The following KIAA0319 variants were observed in gnomAD, a reference collection of about 807,000 sequenced individuals.
The protein encoded by KIAA0319 is dyslexia-associated protein KIAA0319.
A neutral mutation model predicts 108.4 loss-of-function variants in KIAA0319; 83 were observed. The ratio of observed to expected loss-of-function variants is 0.77; its 90% CI spans 0.64 to 0.92. KIAA0319 has a LOEUF of 0.92. KIAA0319 is among the 40% of genes least tolerant of loss of function. The probability of loss-of-function intolerance (pLI) is 0.00; values close to 1 mark genes in which losing one functional copy is unlikely to be tolerated. For synonymous variants in KIAA0319, 484 were observed against 510.4 expected (o/e 0.95, Z 0.70); for missense variants, 1,195 against 1,322.4 (o/e 0.90, Z 1.49).
chr6:24,588,710 G>GC lies in KIAA0319; in HGVS notation c.876dup (p.Leu293AlafsTer18), dbSNP rs767567503. On this transcript the variant is annotated frameshift_variant, in exon 4 of 21. Coordinates refer to ENST00000378214, the MANE Select transcript of KIAA0319 (RefSeq NM_014809.4). LOFTEE classifies it high-confidence loss of function. ...TCTGTACTCCCCGGGGTGACTGTGAGCACTGGGCTTTTCTCCACGGTGACT... is the reference window on the plus strand; with the variant it reads ...TCTGTACTCCCCGGGGTGACTGTGAGCCACTGGGCTTTTCTCCACGGTGACT... The GC allele has an allele frequency of 6.2e-7, 1 of 1,613,994 alleles. No homozygotes were observed. Among genetic ancestry groups the GC allele is most frequent in the Non-Finnish European group, 8.5e-7 (1 of 1,179,982 alleles).
At chr6:24,593,199 A>C (rs1466436633) in intron 3 of KIAA0319, among the ~76,000 whole-genome samples, 1 of 151,976 alleles carries the variant, frequency 6.6e-6, no homozygotes, top group African/African-American at 2.4e-5. Flanking sequence ...CTGGAAACCC[A>C]GTTTTGCCTC....
intron 1 of KIAA0319, among the ~76,000 whole-genome samples, chr6:24,633,354 G>A (rs1395875654): frequency 6.6e-6 from 1 of 152,180 alleles, no homozygotes; most frequent in Non-Finnish European, 1.5e-5. Flanking sequence ...TCATAAAACT[G>A]TACTGGGAAA....
chr6:24,583,664 T>C lies in KIAA0319; in HGVS notation c.1033A>G (p.Ile345Val). 6.2e-7 allele frequency: 1 copy of C among 1,613,794 alleles called. No individual in the cohort carries two copies. Among genetic ancestry groups the C allele is most frequent in the East Asian group, 2.2e-5 (1 of 44,868 alleles). ...LTVSAGDNLIITLPDNEVELK... is the reference protein window; with the variant it reads ...LTVSAGDNLIVTLPDNEVELK... ...TCAACTTCATTGTCGGGTAAAGTTATAATTAGGTTATCTCCAGCCGATACC... is the reference window on the plus strand; with the variant it reads ...TCAACTTCATTGTCGGGTAAAGTTACAATTAGGTTATCTCCAGCCGATACC... Residue 345 changes from isoleucine (I) to valine (V), a missense_variant, in exon 5 of 21, where the codon ATA becomes GTA. Ile to Val is a conservative substitution (Grantham distance 29, BLOSUM62 3). Transcript: ENST00000378214.
intron 8 of KIAA0319, among the ~76,000 whole-genome samples, chr6:24,579,410 A>AT (rs1561981471): frequency 3.4e-5 from 3 of 88,052 alleles, no homozygotes; most frequent in African/African-American, 6.3e-5. Context: ...CCTCTATATA[A>AT]AGATATATAT....
chr6:24,563,806 G>A (rs1039587005), intron 15 of KIAA0319, among the ~76,000 whole-genome samples: 4 of 152,108 alleles, frequency 2.6e-5, no homozygotes, highest in Non-Finnish European at 4.4e-5. Context: ...CATTTTCCCA[G>A]GACCAGAAAG....
At chr6:24,626,859 T>G (rs572525760) in intron 1 of KIAA0319, among the ~76,000 whole-genome samples, 1 of 152,146 alleles carries the variant, frequency 6.6e-6, no homozygotes, top group Admixed American at 6.5e-5. Flanking sequence ...AGAATAATGA[T>G]GAAAAAGAGA....
At chr6:24,628,817 T>C (rs1239039408) in intron 1 of KIAA0319, among the ~76,000 whole-genome samples, 1 of 152,144 alleles carries the variant, frequency 6.6e-6, no homozygotes, top group Non-Finnish European at 1.5e-5. Context: ...TATTGTCACA[T>C]GGAGCTCTCC....
chr6:24,631,052 G>A (rs1775519748), intron 1 of KIAA0319, among the ~76,000 whole-genome samples: 1 of 152,210 alleles, frequency 6.6e-6, no homozygotes, highest in African/African-American at 2.4e-5. Flanking sequence ...TTTATAGGTT[G>A]TCCCATTTAT....
At chr6:24,602,192 T>G (rs1228115769) in intron 1 of KIAA0319, among the ~76,000 whole-genome samples, 1 of 152,170 alleles carries the variant, frequency 6.6e-6, no homozygotes, top group Non-Finnish European at 1.5e-5. Context: ...AATTTTTGTA[T>G]TTTTAGTAGA....
intron 1 of KIAA0319, among the ~76,000 whole-genome samples, chr6:24,642,129 A>G (rs1347257071): frequency 1.0e-5 from 1 of 96,714 alleles, no homozygotes; most frequent in East Asian, 3.5e-4. Flanking sequence ...AGGAAGGAGT[A>G]GGGAGGGGAA....
chr6:24,582,394 C>T (rs772442548), intron 5 of KIAA0319, 48 bp from the exon 6 acceptor site: 1 of 1,122,330 alleles, frequency 8.9e-7, no homozygotes. Flanking sequence ...TGAGAGGACA[C>T]TAGATAACCT....
At chr6:24,563,214 TGA>T in intron 16 of KIAA0319, 143 bp downstream of exon 16, 1 of 879,918 alleles carries the variant, frequency 1.1e-6, no homozygotes, top group Non-Finnish European at 1.6e-6. Flanking sequence ...TACTGCCCTT[TGA>T]GAAAAAAAGT....
intron 3 of KIAA0319, among the ~76,000 whole-genome samples, chr6:24,594,642 CA>C (rs1554164544): frequency 0.1 from 5,677 of 54,374 alleles, 211 homozygotes; most frequent in African/African-American, 0.13. Context: ...AAAAAAACAA[CA>C]AAAAAAAAAA....
intron 1 of KIAA0319, among the ~76,000 whole-genome samples, chr6:24,634,890 G>A (rs1016549683): frequency 2.0e-5 from 3 of 152,158 alleles, no homozygotes; most frequent in Non-Finnish European, 2.9e-5. Flanking sequence ...GGAAAACCTG[G>A]CTAGAGGGGA....
chr6:24,588,853 A>G (rs1252498301), intron 3 of KIAA0319, 68 bp from the exon 4 acceptor site: 180 of 1,274,836 alleles, frequency 1.4e-4, no homozygotes, highest in South Asian at 2.6e-5. Flanking sequence ...AAGCAACTCA[A>G]TGTTACCAAC....
At chr6:24,627,550 A>G (rs1404561662) in intron 1 of KIAA0319, among the ~76,000 whole-genome samples, 1 of 151,978 alleles carries the variant, frequency 6.6e-6, no homozygotes, top group Non-Finnish European at 1.5e-5. Flanking sequence ...GGTCTGATAA[A>G]CAGAGGTCAG....
At chr6:24,600,495 A>G in intron 2 of KIAA0319, 1 of 657,044 alleles carries the variant, frequency 1.5e-6, no homozygotes, top group Non-Finnish European at 2.8e-6. Flanking sequence ...GTGTGGCATG[A>G]GAAACTGCAT....
At chr6:24,617,080 A>T (rs1773246258) in intron 1 of KIAA0319, among the ~76,000 whole-genome samples, 2 of 152,170 alleles carry the variant, frequency 1.3e-5, no homozygotes, top group Non-Finnish European at 2.9e-5. Flanking sequence ...ATTTCATTTA[A>T]AAGTTGATAT....
At chr6:24,615,215 A>G (rs1192942134) in intron 1 of KIAA0319, among the ~76,000 whole-genome samples, 1 of 151,550 alleles carries the variant, frequency 6.6e-6, no homozygotes, top group African/African-American at 2.5e-5. Context: ...ATAATAATAA[A>G]AGACTGGAAA....
Sources: allele counts gnomAD v4.1 joint callset (sites outside exome capture counted in the v4.1 genomes callset), GRCh38; gene constraint gnomAD v4.1.1; transcripts MANE v1.5; gene names NCBI Gene and HGNC (gene_info 2026-07-23, HGNC 2026-07-21).